Variants in CCP110 observed in about 807,000 individuals in gnomAD.
The protein encoded by CCP110 is centriolar coiled-coil protein 110, also known as centriolar coiled-coil protein of 110 kDa.
CCP110 carries 43 observed loss-of-function variants against 105.5 expected under a neutral mutation model. The observed-to-expected ratio is 0.41, with a 90% confidence interval of 0.32 to 0.53. The LOEUF (loss-of-function observed/expected upper bound fraction) is 0.53, where lower values mean the gene tolerates loss of function less well. Ranked by LOEUF, CCP110 falls within the 20% of genes least tolerant of loss-of-function variation. The probability of loss-of-function intolerance (pLI) is 0.32; values close to 1 mark genes in which losing one functional copy is unlikely to be tolerated. For missense variants in CCP110, 1,016 were observed against 1,189.1 expected, an observed-to-expected ratio of 0.85 and a Z score of 2.14; for synonymous variants, 353 against 392.1, an observed-to-expected ratio of 0.90 and a Z score of 1.18.
chr16:19,540,890 A>G, intron 5 of CCP110, 103 bp downstream of exon 5: 1 of 888,122 alleles, frequency 1.1e-6, no homozygotes, highest in Non-Finnish European at 1.7e-6. Flanking sequence ...GCCTCCATAT[A>G]TCTTAAGGTA....
intron 4 of CCP110, among the ~76,000 whole-genome samples, chr16:19,540,217 C>T (rs1457420513): frequency 6.6e-6 from 1 of 152,302 alleles, no homozygotes; most frequent in Admixed American, 6.5e-5. Flanking sequence ...AAACCTCAAG[C>T]TGAGAAAGCT....
At position 19,548,419 on chromosome 16, in the gene CCP110, G is replaced by A. The variant is rs1054640426; in HGVS notation, c.2901-96G>A. ...TTCAGTTCTTTTCAAGCTTATTTGT[G>A]CTTTGGACAGTTGATGCAATGTGAT... On this transcript the variant is annotated intron_variant, in intron 13 of 14. Coordinates refer to ENST00000381396, the Ensembl canonical transcript of CCP110. This position sits in a 1 kb window ranked among gnomAD's most constrained non-coding sequence, Gnocchi z 4.1. 5 of 773,318 alleles carry A rather than the reference G, an allele frequency of 6.5e-6. No individual in the cohort carries two copies. The African/African-American group carries it at 8.8e-5, about 14-fold the overall frequency. The allele number at this position is 773,318 out of a possible 1,614,324, so 47.9% of individuals were successfully genotyped here.
chr16:19,542,825 T>TAGA (rs1452216632), intron 7 of CCP110, 53 bp from the exon 8 acceptor site: 5 of 1,529,452 alleles, frequency 3.3e-6, no homozygotes, highest in Non-Finnish European at 3.6e-6. Context: ...TATATTATCT[T>TAGA]AGACTGTATA....
At chr16:19,537,086 G>A (rs759616349) in exon 4 of CCP110, 1 of 1,614,192 alleles carries the variant, frequency 6.2e-7, no homozygotes, top group Non-Finnish European at 8.5e-7. Flanking sequence ...AGAAAATAAA[G>A]TTACTCATGG....
chr16:19,527,798 C>T (rs1969724418), intron 1 of CCP110, 69 bp from the exon 2 acceptor site: 1 of 1,344,550 alleles, frequency 7.4e-7, no homozygotes. Context: ...TCATGCTCTA[C>T]AAAATCTGCC....
At chr16:19,540,097 G>A (rs1970225269) in intron 4 of CCP110, among the ~76,000 whole-genome samples, 1 of 152,108 alleles carries the variant, frequency 6.6e-6, no homozygotes, top group African/African-American at 2.4e-5. Context: ...CTTGGTATTT[G>A]TACATTTCAA....
At chr16:19,526,761 A>G (rs1478640427) in intron 1 of CCP110, 1 of 152,044 alleles carries the variant, frequency 6.6e-6, no homozygotes, top group Admixed American at 6.6e-5. Flanking sequence ...TTTGAGGCCT[A>G]CCGAGGACAT....
intron 3 of CCP110, among the ~76,000 whole-genome samples, chr16:19,534,536 C>T (rs933472301): frequency 3.0e-4 from 45 of 152,196 alleles, no homozygotes; most frequent in Middle Eastern, 3.4e-3. Flanking sequence ...AAATATTTTA[C>T]GTAAGGAAAT....
rs1331229766 is a variant in CCP110 at position 19,545,224 on chromosome 16, T to A, written c.2703+14T>A. On this transcript the variant is annotated intron_variant, in intron 10 of 14. Transcript: ENST00000381396. ...CTCAGGCAAATGGTATGTTATATGATTTCTAATGAATAGAGTTCTTCTGGG... is the reference window on the plus strand; with the variant it reads ...CTCAGGCAAATGGTATGTTATATGAATTCTAATGAATAGAGTTCTTCTGGG... 9.7e-6 allele frequency: 14 copies of A among 1,438,224 alleles called. No homozygotes were observed. The highest frequency in any genetic ancestry group is 1.4e-5 in the Non-Finnish European group (14 of 1,028,066). The allele number at this position is 1,438,224 out of a possible 1,614,324, so 89.1% of individuals were successfully genotyped here.
intron 12 of CCP110, chr16:19,547,094 T>C (rs972141414): frequency 6.6e-6 from 1 of 152,174 alleles, no homozygotes; most frequent in African/African-American, 2.4e-5. Context: ...TTGATACTTA[T>C]TTAAAAACCT....
intron 8 of CCP110, among the ~76,000 whole-genome samples, chr16:19,544,252 C>G (rs1970387928): frequency 6.6e-6 from 1 of 152,160 alleles, no homozygotes; most frequent in Non-Finnish European, 1.5e-5. Flanking sequence ...AATCGTTAAT[C>G]TTTCTCAGAT....
At chr16:19,550,241 T>C (rs1970592802) in intron 14 of CCP110, among the ~76,000 whole-genome samples, 1 of 151,798 alleles carries the variant, frequency 6.6e-6, no homozygotes, top group Non-Finnish European at 1.5e-5. Flanking sequence ...AATCTCCACC[T>C]CCTGGGTTCA....
At chr16:19,538,483 T>C (rs888771587) in intron 4 of CCP110, among the ~76,000 whole-genome samples, 2 of 151,582 alleles carry the variant, frequency 1.3e-5, no homozygotes, top group Admixed American at 6.6e-5. Context: ...CTAATTTTTA[T>C]ATTTTTAGTA....
At chr16:19,542,956 C>G (rs1191272642) in exon 8 of CCP110, 1 of 1,610,490 alleles carries the variant, frequency 6.2e-7, no homozygotes, top group South Asian at 1.1e-5. Flanking sequence ...TAGACTTATG[C>G]AGACAGATAA....
chr16:19,546,266 C>T (rs1372145995), intron 11 of CCP110, 146 bp from the exon 12 acceptor site: 3 of 534,212 alleles, frequency 5.6e-6, no homozygotes, highest in Middle Eastern at 9.7e-4. Flanking sequence ...TTCTTGAATG[C>T]AGTCTTTAAT....
rs754373536 is a variant in CCP110 at position 19,527,849 on chromosome 16, C to T, written c.-15-18C>T. On this transcript the variant is annotated intron_variant, in intron 1 of 14. Coordinates refer to ENST00000381396, the Ensembl canonical transcript of CCP110. ...GTTTTTCCCAGTACATTAAAAATAA[C>T]ATTTTTCTCTCTTGTAGTGTGACTG... The T allele has an allele frequency of 1.3e-6, 2 of 1,590,288 alleles. No homozygotes were observed. Among genetic ancestry groups the T allele is most frequent in the East Asian group, 2.3e-5 (1 of 44,258 alleles).
chr16:19,538,705 G>C (rs1248802956), intron 4 of CCP110, among the ~76,000 whole-genome samples: 2 of 152,094 alleles, frequency 1.3e-5, no homozygotes, highest in South Asian at 2.1e-4. Flanking sequence ...GTTTATTTCA[G>C]TTTGCTTTTT....
intron 8 of CCP110, among the ~76,000 whole-genome samples, chr16:19,544,096 G>A (rs1970380475): frequency 6.6e-6 from 1 of 152,082 alleles, no homozygotes; most frequent in Non-Finnish European, 1.5e-5. Context: ...TGGGCATCAT[G>A]GTCCTACCAA....
rs1242097346 is a variant in CCP110 at position 19,537,651 on chromosome 16, T to C, written c.1918+64T>C. 8.5e-6 allele frequency: 8 copies of C among 935,846 alleles called. No homozygotes were observed. The African/African-American group carries it at 1.2e-4, about 14-fold the overall frequency. 58.0% of individuals were successfully genotyped at this position (935,846 alleles called of 1,614,324 possible). A position where few individuals can be genotyped will look rare whatever the true frequency, so the allele number is the denominator to read the frequency against. ...ATACCTTTATTTTAATACTCTTAATTGACATTTTTGGGAAAAAAGTGGTCT... is the reference window on the plus strand; with the variant it reads ...ATACCTTTATTTTAATACTCTTAATCGACATTTTTGGGAAAAAAGTGGTCT... On this transcript the variant is annotated intron_variant, in intron 4 of 14. Coordinates refer to ENST00000381396, the Ensembl canonical transcript of CCP110.
Sources: gnomAD v4.1 joint callset for allele counts (sites outside exome capture counted in the v4.1 genomes callset) on GRCh38, gnomAD v4.1.1 for gene constraint, Gnocchi (gnomAD v3.1) non-coding constraint, MANE v1.5 for transcripts, NCBI Gene and HGNC (gene_info 2026-07-23, HGNC 2026-07-21) for gene names.